The following ELMO1 variants were observed in gnomAD, a reference collection of about 807,000 sequenced individuals.
The protein encoded by ELMO1 is engulfment and cell motility 1.
A neutral mutation model predicts 98.9 loss-of-function variants in ELMO1; 26 were observed. The ratio of observed to expected loss-of-function variants is 0.26; its 90% CI spans 0.19 to 0.36. ELMO1 has a LOEUF of 0.36. ELMO1 is among the 10% of genes least tolerant of loss of function. The probability of loss-of-function intolerance (pLI) is 1.00; values close to 1 mark genes in which losing one functional copy is unlikely to be tolerated. For missense variants in ELMO1, 627 were observed against 935.2 expected, an observed-to-expected ratio of 0.67 and a Z score of 4.30; for synonymous variants, 346 against 346.0, an observed-to-expected ratio of 1.00 and a Z score of 0.00.
intron 15 of ELMO1, among the ~76,000 whole-genome samples, chr7:37,053,119 G>A (rs1213800358): frequency 1.3e-5 from 2 of 152,128 alleles, no homozygotes; most frequent in African/African-American, 4.8e-5. Flanking sequence ...AAGTCTTTAG[G>A]TTATTTATTT....
At chr7:37,056,196 T>A (rs1203346359) in intron 15 of ELMO1, among the ~76,000 whole-genome samples, 3 of 152,174 alleles carry the variant, frequency 2.0e-5, no homozygotes, top group African/African-American at 7.2e-5. Context: ...TGACTATAGA[T>A]CCCTAGCCAG....
At chr7:37,414,291 C>G (rs560411963) in intron 1 of ELMO1, among the ~76,000 whole-genome samples, 1 of 152,242 alleles carries the variant, frequency 6.6e-6, no homozygotes, top group Admixed American at 6.5e-5. Context: ...CTCTTAGTAT[C>G]CTGCTGGAAA....
intron 7 of ELMO1, among the ~76,000 whole-genome samples, chr7:37,234,627 G>T (rs1794363802): frequency 6.6e-6 from 1 of 152,152 alleles, no homozygotes; most frequent in African/African-American, 2.4e-5. Context: ...CCCTAAGTGG[G>T]CAAGTTATGC....
chr7:37,029,587 A>C (rs1021757304), intron 15 of ELMO1, among the ~76,000 whole-genome samples: 2 of 152,150 alleles, frequency 1.3e-5, no homozygotes, highest in African/African-American at 4.8e-5. Flanking sequence ...GTGCTCTCAG[A>C]ATGTATTGAA....
chr7:37,196,521 T>G (rs1048353733), intron 13 of ELMO1, among the ~76,000 whole-genome samples: 18 of 152,142 alleles, frequency 1.2e-4, no homozygotes, highest in East Asian at 1.2e-3. Context: ...GGGAATACCA[T>G]CCTGAGTGTG....
At chr7:37,032,039 A>T (rs1294874181) in intron 15 of ELMO1, among the ~76,000 whole-genome samples, 1 of 152,108 alleles carries the variant, frequency 6.6e-6, no homozygotes, top group Non-Finnish European at 1.5e-5. Context: ...TTAAAAATAT[A>T]CTTGTTTGGC....
chr7:37,192,998 T>G (rs1275449133), intron 13 of ELMO1, among the ~76,000 whole-genome samples: 5 of 94,542 alleles, frequency 5.3e-5, no homozygotes, highest in Admixed American at 1.3e-4. Context: ...TATATATATA[T>G]ATATATATAT....
chr7:37,199,624 C>A (rs1191028505), intron 13 of ELMO1, among the ~76,000 whole-genome samples: 1 of 152,122 alleles, frequency 6.6e-6, no homozygotes, highest in African/African-American at 2.4e-5. Flanking sequence ...ATATCCCATA[C>A]GAAAGTCACC....
intron 1 of ELMO1, among the ~76,000 whole-genome samples, chr7:37,356,296 A>G (rs1419678959): frequency 6.6e-6 from 1 of 152,196 alleles, no homozygotes; most frequent in Non-Finnish European, 1.5e-5. Context: ...AGATTGATTT[A>G]TAGTCCTTTG....
chr7:37,378,883 G>A lies in ELMO1; in HGVS notation c.-73-36120C>T, dbSNP rs185117275. ...TTGCTTGGACTCCTGCAGTAGCCTCGTAACTGGTCCTTTGCATTCACTTGC... is the reference window on the plus strand; with the variant it reads ...TTGCTTGGACTCCTGCAGTAGCCTCATAACTGGTCCTTTGCATTCACTTGC... On this transcript the variant is annotated intron_variant, in intron 1 of 21. Coordinates refer to ENST00000310758, the MANE Select transcript of ELMO1 (RefSeq NM_014800.11). Among the ~76,000 whole-genome samples, 27 of 152,116 alleles carry A rather than the reference G, an allele frequency of 1.8e-4. No homozygotes were observed. The East Asian group carries it at 4.6e-3, about 26-fold the overall frequency.
At chr7:37,439,302 C>T (rs1805297397) in intron 1 of ELMO1, among the ~76,000 whole-genome samples, 1 of 152,248 alleles carries the variant, frequency 6.6e-6, no homozygotes, top group South Asian at 2.1e-4. Flanking sequence ...CCAGACTGTC[C>T]TCCATCACCC....
intron 1 of ELMO1, among the ~76,000 whole-genome samples, chr7:37,401,025 A>C (rs13241143): frequency 0.23 from 35,308 of 151,950 alleles, 4,332 homozygotes; most frequent in East Asian, 0.44. Flanking sequence ...GAATGCTTTC[A>C]CCCTTAATTT....
At chr7:37,064,146 C>T (rs1268122053) in intron 15 of ELMO1, among the ~76,000 whole-genome samples, 1 of 152,278 alleles carries the variant, frequency 6.6e-6, no homozygotes, top group Non-Finnish European at 1.5e-5. Flanking sequence ...CAAACCATCA[C>T]CTGGGCCCTT....
At chr7:37,283,709 G>A (rs942935709) in intron 4 of ELMO1, among the ~76,000 whole-genome samples, 5 of 152,186 alleles carry the variant, frequency 3.3e-5, no homozygotes, top group African/African-American at 7.2e-5. Context: ...TCCTGCGTCC[G>A]GCCTCTGCTC....
intron 13 of ELMO1, among the ~76,000 whole-genome samples, chr7:37,165,310 T>A (rs1789587259): frequency 6.6e-6 from 1 of 151,804 alleles, no homozygotes; most frequent in African/African-American, 2.4e-5. Context: ...CCTCTTTTCC[T>A]AATTGAATAA....
chr7:37,097,308 C>T (rs556572094), intron 14 of ELMO1, among the ~76,000 whole-genome samples: 30 of 152,270 alleles, frequency 2.0e-4, no homozygotes, highest in African/African-American at 6.5e-4. Context: ...GAGGCCGAGG[C>T]GGGCGGATCA....
chr7:37,288,948 T>C (rs1388317353), intron 4 of ELMO1, among the ~76,000 whole-genome samples: 2 of 152,202 alleles, frequency 1.3e-5, no homozygotes, highest in African/African-American at 4.8e-5. Flanking sequence ...CATGTCTTTT[T>C]TGGGGGCTGT....
chr7:36,896,981 T>C (rs1312244212), intron 16 of ELMO1, among the ~76,000 whole-genome samples: 1 of 152,180 alleles, frequency 6.6e-6, no homozygotes, highest in Non-Finnish European at 1.5e-5. Flanking sequence ...GATATGATTT[T>C]TAAATAGAAT....
intron 5 of ELMO1, among the ~76,000 whole-genome samples, chr7:37,264,061 T>G (rs1332969753): frequency 6.6e-6 from 1 of 152,172 alleles, no homozygotes; most frequent in Non-Finnish European, 1.5e-5. Context: ...ATATGGAACT[T>G]TTAGAGAATG....
Sources: gnomAD v4.1 joint callset for allele counts (sites outside exome capture counted in the v4.1 genomes callset) on GRCh38, gnomAD v4.1.1 for gene constraint, MANE v1.5 for transcripts, NCBI Gene and HGNC (gene_info 2026-07-23, HGNC 2026-07-21) for gene names.